The following COMMD1 variants were observed in gnomAD, a reference collection of about 807,000 sequenced individuals.
COMMD1 encodes the protein copper metabolism domain containing 1.
COMMD1 carries 10 observed loss-of-function variants against 17.2 expected under a neutral mutation model. That is an observed-to-expected ratio of 0.58 (90% CI 0.36 to 0.99). The LOEUF (loss-of-function observed/expected upper bound fraction) is 0.99. COMMD1 is among the 50% of genes least tolerant of loss of function. The pLI is 0.01. For synonymous variants in COMMD1, 97 were observed against 91.6 expected (o/e 1.06, Z -0.34); for missense variants, 270 against 231.8 (o/e 1.17, Z -1.07).
Position 62,032,874 on chromosome 2 carries a change from G to A in COMMD1, c.462+31892G>A, listed in dbSNP as rs554652081. 5.3e-5 allele frequency among the ~76,000 whole-genome samples: 8 copies of A among 152,202 alleles called. No individual in the cohort carries two copies. The East Asian group carries it at 1.2e-3, about 22-fold the overall frequency. On this transcript the variant is annotated intron_variant, in intron 2 of 2. Transcript: ENST00000311832. ...CATCCTCCACCCTCCAGGTTCAAGC[G>A]ATTCTCCTGCCTCAGCCTCCTGAGT...
chr2:61,933,635 G>T (rs867349494), intron 1 of COMMD1, among the ~76,000 whole-genome samples: 1 of 152,038 alleles, frequency 6.6e-6, no homozygotes, highest in Non-Finnish European at 1.5e-5. Flanking sequence ...TAGTAAGAAG[G>T]CTCTCACCAG....
intron 1 of COMMD1, among the ~76,000 whole-genome samples, chr2:61,977,866 G>A (rs920368940): frequency 1.3e-5 from 2 of 151,616 alleles, no homozygotes; most frequent in Non-Finnish European, 2.9e-5. Flanking sequence ...GTGTGTGCCT[G>A]TAATCCCGGC....
intron 2 of COMMD1, chr2:62,055,362 G>A: frequency 2.2e-6 from 1 of 452,538 alleles, no homozygotes; most frequent in Non-Finnish European, 4.4e-6. Context: ...TGATGAGACA[G>A]CAGAAGACTC....
intron 1 of COMMD1, among the ~76,000 whole-genome samples, chr2:61,953,099 T>G (rs1440836051): frequency 1.3e-5 from 2 of 152,058 alleles, no homozygotes; most frequent in Non-Finnish European, 2.9e-5. Flanking sequence ...AACCTCCACC[T>G]CCTGAGTTTA....
chr2:61,944,501 T>C (rs970713968), intron 1 of COMMD1, among the ~76,000 whole-genome samples: 2 of 151,912 alleles, frequency 1.3e-5, no homozygotes, highest in African/African-American at 4.8e-5. Flanking sequence ...ACCTCCGAAC[T>C]AGAATTAGGA....
At chr2:62,043,380 G>C (rs893456137) in intron 2 of COMMD1, among the ~76,000 whole-genome samples, 1 of 152,070 alleles carries the variant, frequency 6.6e-6, no homozygotes. Context: ...ACTAAACCTT[G>C]TTGGGAGTCA....
chr2:61,915,713 T>C (rs1335322503), intron 1 of COMMD1: 1 of 453,520 alleles, frequency 2.2e-6, no homozygotes, highest in Admixed American at 2.4e-5. Flanking sequence ...TCCAGGGTGG[T>C]CTCAAATTCC....
chr2:61,891,805 T>C (rs1026084122), intron 1 of COMMD1, among the ~76,000 whole-genome samples: 1 of 151,890 alleles, frequency 6.6e-6, no homozygotes, highest in African/African-American at 2.4e-5. Flanking sequence ...TAAAAATGTT[T>C]TTAAAACTTT....
intron 2 of COMMD1, among the ~76,000 whole-genome samples, chr2:62,120,724 C>A (rs1424242542): frequency 6.6e-6 from 1 of 151,830 alleles, no homozygotes; most frequent in Non-Finnish European, 1.5e-5. Context: ...ATTCTTTTTT[C>A]TTTTCTTTCT....
intron 1 of COMMD1, among the ~76,000 whole-genome samples, chr2:61,913,127 G>A (rs562271319): frequency 1.3e-5 from 2 of 152,278 alleles, no homozygotes; most frequent in Admixed American, 1.3e-4. Context: ...CCAGCACTTT[G>A]GTAGGCCAAG....
intron 1 of COMMD1, among the ~76,000 whole-genome samples, chr2:61,984,207 G>T (rs1432033716): frequency 6.6e-6 from 1 of 152,120 alleles, no homozygotes; most frequent in Non-Finnish European, 1.5e-5. Flanking sequence ...TGTGTTTTTA[G>T]TAGAGATGGG....
intron 2 of COMMD1, among the ~76,000 whole-genome samples, chr2:62,107,954 C>G (rs1345990432): frequency 6.6e-6 from 1 of 152,056 alleles, no homozygotes; most frequent in Admixed American, 6.6e-5. Flanking sequence ...TTTTTCCCAC[C>G]TATGCCCTAT....
intron 1 of COMMD1, among the ~76,000 whole-genome samples, chr2:61,947,285 C>G (rs953537748): frequency 6.6e-6 from 1 of 152,094 alleles, no homozygotes; most frequent in African/African-American, 2.4e-5. Flanking sequence ...ATACCTGTCA[C>G]TTAGTATAAC....
At chr2:62,033,076 G>C (rs1041973015) in intron 2 of COMMD1, among the ~76,000 whole-genome samples, 59 of 152,084 alleles carry the variant, frequency 3.9e-4, no homozygotes, top group Admixed American at 3.8e-3. Flanking sequence ...GGCCAGTTTA[G>C]CTTCTTTAAA....
intron 2 of COMMD1, among the ~76,000 whole-genome samples, chr2:62,115,118 C>T (rs1371738762): frequency 6.6e-6 from 1 of 152,204 alleles, no homozygotes; most frequent in African/African-American, 2.4e-5. Context: ...TAAATTCTCA[C>T]AACTACCTTA....
At chr2:61,947,727 T>G (rs1211027718) in intron 1 of COMMD1, among the ~76,000 whole-genome samples, 4 of 150,774 alleles carry the variant, frequency 2.7e-5, no homozygotes, top group Non-Finnish European at 5.9e-5. Flanking sequence ...TTTTTTTTTT[T>G]TTTTTTGGAG....
At chr2:62,071,121 A>G (rs991425528) in intron 2 of COMMD1, among the ~76,000 whole-genome samples, 2 of 152,210 alleles carry the variant, frequency 1.3e-5, no homozygotes, top group African/African-American at 4.8e-5. Flanking sequence ...CTTCTTGATT[A>G]TATGCTAAAC....
chr2:62,114,360 A>G (rs1672531391), intron 2 of COMMD1, among the ~76,000 whole-genome samples: 1 of 152,206 alleles, frequency 6.6e-6, no homozygotes, highest in Admixed American at 6.5e-5. Flanking sequence ...CTAAAACAAT[A>G]GATTGGAAAT....
At chr2:61,898,854 T>C (rs1669604082) in intron 1 of COMMD1, among the ~76,000 whole-genome samples, 1 of 152,184 alleles carries the variant, frequency 6.6e-6, no homozygotes, top group African/African-American at 2.4e-5. Context: ...ATTCTTTTAA[T>C]AGGCCTATAC....
Sources: allele counts gnomAD v4.1 joint callset (sites outside exome capture counted in the v4.1 genomes callset), GRCh38; gene constraint gnomAD v4.1.1; transcripts MANE v1.5; gene names NCBI Gene and HGNC (gene_info 2026-07-23, HGNC 2026-07-21).